Variants in PALM2AKAP2 observed in about 807,000 individuals in gnomAD.
PALM2AKAP2 encodes the protein PALM2 and AKAP2 fusion.
Under a neutral mutation model 71.5 loss-of-function variants are expected in PALM2AKAP2, and 37 were observed. That is an observed-to-expected ratio of 0.52 (90% CI 0.40 to 0.68). The LOEUF is 0.68. Among genes scored for constraint, PALM2AKAP2 ranks in the 30% least tolerant of loss-of-function variants. The pLI is 0.00. For missense variants in PALM2AKAP2, 1,224 were observed against 1,191.8 expected (o/e 1.03, Z -0.40); for synonymous variants, 468 against 478.8 (o/e 0.98, Z 0.29).
intron 6 of PALM2AKAP2, chr9:109,944,328 A>T (rs771891395): frequency 6.6e-6 from 1 of 152,128 alleles, no homozygotes; most frequent in Non-Finnish European, 1.5e-5. Flanking sequence ...TCTATTTTCA[A>T]TGAGGAGATC....
At chr9:109,724,402 A>G (rs555791291) in intron 1 of PALM2AKAP2, among the ~76,000 whole-genome samples, 130 of 152,320 alleles carry the variant, frequency 8.5e-4, no homozygotes, top group African/African-American at 3.0e-3. Flanking sequence ...ATTCATTTAT[A>G]TGTACAGGTG....
intron 7 of PALM2AKAP2, among the ~76,000 whole-genome samples, chr9:110,035,498 TATATG>T (rs1239898334): frequency 3.0e-4 from 43 of 143,796 alleles, no homozygotes; most frequent in Middle Eastern, 6.3e-3. Flanking sequence ...ATATAACATA[TATATG>T]ATATGTTGTG....
At chr9:109,799,156 T>A (rs1228271214) in intron 1 of PALM2AKAP2, among the ~76,000 whole-genome samples, 2 of 152,162 alleles carry the variant, frequency 1.3e-5, no homozygotes, top group Admixed American at 6.5e-5. Flanking sequence ...AGGAGGAGCA[T>A]GGGCAAAGTG....
At chr9:109,902,568 A>G (rs1477987553) in intron 3 of PALM2AKAP2, among the ~76,000 whole-genome samples, 4 of 152,222 alleles carry the variant, frequency 2.6e-5, no homozygotes, top group African/African-American at 4.8e-5. Flanking sequence ...GTTAGGTGAG[A>G]TGTGTCAGCA....
At chr9:109,873,570 G>A (rs150474911) in intron 2 of PALM2AKAP2, among the ~76,000 whole-genome samples, 144 of 152,278 alleles carry the variant, frequency 9.5e-4, no homozygotes, top group African/African-American at 3.3e-3. Context: ...ACAAATGAAT[G>A]AAAGATCCAG....
intron 7 of PALM2AKAP2, among the ~76,000 whole-genome samples, chr9:110,038,550 T>C (rs188483462): frequency 2.0e-4 from 30 of 152,178 alleles, no homozygotes; most frequent in African/African-American, 6.7e-4. Context: ...CTTTGACAAG[T>C]GCTGTCTTGG....
chr9:109,778,256 G>A (rs1829376936), upstream of PALM2AKAP2, among the ~76,000 whole-genome samples: 1 of 152,190 alleles, frequency 6.6e-6, no homozygotes, highest in Non-Finnish European at 1.5e-5. Flanking sequence ...GTGCTTAATG[G>A]TTAAGAGCAT....
intron 6 of PALM2AKAP2, among the ~76,000 whole-genome samples, chr9:109,959,381 C>T (rs539665105): frequency 5.3e-5 from 8 of 152,172 alleles, no homozygotes; most frequent in Non-Finnish European, 8.8e-5. Context: ...GGTGGTGGCT[C>T]AAGCCTGTAA....
intron 1 of PALM2AKAP2, among the ~76,000 whole-genome samples, chr9:109,698,221 G>T (rs905807171): frequency 4.0e-5 from 6 of 151,726 alleles, no homozygotes; most frequent in Admixed American, 1.3e-4. Flanking sequence ...CATGAGACCA[G>T]GGTATATAAC....
chr9:109,768,081 G>A (rs1829191520), intron 1 of PALM2AKAP2, among the ~76,000 whole-genome samples: 1 of 150,380 alleles, frequency 6.6e-6, no homozygotes, highest in African/African-American at 2.5e-5. Context: ...AGGAGGAAGG[G>A]AGGGAAGACA....
At chr9:110,125,845 A>G (rs1835593179) in intron 1 of PALM2AKAP2, among the ~76,000 whole-genome samples, 1 of 151,580 alleles carries the variant, frequency 6.6e-6, no homozygotes, top group South Asian at 2.1e-4. Context: ...GAGGACGCTC[A>G]GTCCTGCACA....
intron 1 of PALM2AKAP2, among the ~76,000 whole-genome samples, chr9:110,099,389 C>T (rs761488733): frequency 1.5e-4 from 23 of 152,324 alleles, no homozygotes; most frequent in Admixed American, 3.3e-4. Context: ...TTCCCTGAAC[C>T]AGTGAAATTG....
At chr9:109,797,060 T>C (rs1243593506) in intron 1 of PALM2AKAP2, among the ~76,000 whole-genome samples, 2 of 152,208 alleles carry the variant, frequency 1.3e-5, no homozygotes, top group Non-Finnish European at 2.9e-5. Context: ...CTTTTGTAAC[T>C]GGGCCCCTGC....
intron 1 of PALM2AKAP2, among the ~76,000 whole-genome samples, chr9:109,828,102 C>T (rs374314142): frequency 6.6e-6 from 1 of 152,134 alleles, no homozygotes; most frequent in Non-Finnish European, 1.5e-5. Context: ...GTGTCACTGG[C>T]ATTCTACAGA....
intron 1 of PALM2AKAP2, among the ~76,000 whole-genome samples, chr9:109,853,914 T>C (rs1290232844): frequency 6.6e-6 from 1 of 152,162 alleles, no homozygotes; most frequent in Non-Finnish European, 1.5e-5. Flanking sequence ...TGGAGCTTCC[T>C]ACTGGAGCAT....
At chr9:110,136,663 G>T (rs766414145) in exon 2 of PALM2AKAP2, 3 of 1,614,128 alleles carry the variant, frequency 1.9e-6, no homozygotes, top group Non-Finnish European at 1.7e-6. Context: ...CTAGAGATGC[G>T]CTGGGGGACA....
At chr9:109,735,158 ACT>A (rs2118669655) in intron 1 of PALM2AKAP2, among the ~76,000 whole-genome samples, 1 of 148,198 alleles carries the variant, frequency 6.7e-6, no homozygotes, top group South Asian at 2.2e-4. Flanking sequence ...TGTGTCTTTG[ACT>A]CTGGCTAGAC....
intron 1 of PALM2AKAP2, among the ~76,000 whole-genome samples, chr9:110,085,650 A>G (rs1038644577): frequency 1.3e-5 from 2 of 152,264 alleles, no homozygotes; most frequent in African/African-American, 2.4e-5. Flanking sequence ...CACAAAATTT[A>G]TATGAACCTA....
At chr9:109,932,749 G>A (rs1831134387) in intron 6 of PALM2AKAP2, among the ~76,000 whole-genome samples, 1 of 152,228 alleles carries the variant, frequency 6.6e-6, no homozygotes, top group Non-Finnish European at 1.5e-5. Context: ...ATGTGCTGAG[G>A]GCTGGGGGTT....
Sources: gnomAD v4.1 joint callset for allele counts (sites outside exome capture counted in the v4.1 genomes callset) on GRCh38, gnomAD v4.1.1 for gene constraint, MANE v1.5 for transcripts, NCBI Gene and HGNC (gene_info 2026-07-23, HGNC 2026-07-21) for gene names.